The following USP32 variants were observed in gnomAD, a reference collection of about 807,000 sequenced individuals.
USP32 encodes ubiquitin specific peptidase 32.
In USP32, 59 loss-of-function variants were observed where a neutral mutation model predicts 204.8. That is an observed-to-expected ratio of 0.29 (90% CI 0.23 to 0.36). The LOEUF (loss-of-function observed/expected upper bound fraction) is 0.36, where lower values mean the gene tolerates loss of function less well. Among genes scored for constraint, USP32 ranks in the 10% least tolerant of loss-of-function variants. USP32 has a pLI of 1.00. For missense variants in USP32, 1,160 were observed against 1,946.4 expected, an observed-to-expected ratio of 0.60 and a Z score of 7.60; for synonymous variants, 517 against 678.4, an observed-to-expected ratio of 0.76 and a Z score of 3.70.
upstream of USP32, among the ~76,000 whole-genome samples, chr17:60,394,627 A>G (rs913358114): frequency 6.6e-6 from 1 of 152,224 alleles, no homozygotes; most frequent in African/African-American, 2.4e-5. Flanking sequence ...AATATCATAG[A>G]TTACTTACAC....
At chr17:60,345,349 T>C (rs1202385906) in intron 2 of USP32, 132 bp downstream of exon 2, 22 of 1,293,460 alleles carry the variant, frequency 1.7e-5, no homozygotes, top group Non-Finnish European at 2.3e-5. Flanking sequence ...AAACAAAACA[T>C]TGTTTACCCA....
intron 1 of USP32, among the ~76,000 whole-genome samples, chr17:60,355,171 A>G (rs2089038445): frequency 6.6e-6 from 1 of 152,230 alleles, no homozygotes; most frequent in Admixed American, 6.5e-5. Flanking sequence ...ACTAAGTAAA[A>G]GAAGGCTGAT....
At chr17:60,274,989 C>T (rs1226153845) in intron 5 of USP32, among the ~76,000 whole-genome samples, 4 of 152,166 alleles carry the variant, frequency 2.6e-5, no homozygotes, top group African/African-American at 9.7e-5. Flanking sequence ...CTCCATAATA[C>T]TTATCAACTC....
intron 6 of USP32, 58 bp from the exon 7 acceptor site, chr17:60,269,615 A>C (rs2086679626): frequency 1.4e-6 from 2 of 1,395,448 alleles, no homozygotes; most frequent in Admixed American, 4.7e-5. Context: ...GTTAATAATG[A>C]CATGTTTACA....
intron 12 of USP32, among the ~76,000 whole-genome samples, chr17:60,234,418 A>G (rs1489423865): frequency 6.7e-6 from 1 of 149,136 alleles, no homozygotes; most frequent in Non-Finnish European, 1.5e-5. Flanking sequence ...CGGCTCAAGC[A>G]TGACTAATTT....
At chr17:60,310,549 A>G (rs1198057578) in intron 2 of USP32, among the ~76,000 whole-genome samples, 1 of 152,062 alleles carries the variant, frequency 6.6e-6, no homozygotes, top group Non-Finnish European at 1.5e-5. Flanking sequence ...AAATACAAAA[A>G]TTAGCTGGGC....
At chr17:60,240,927 T>C (rs2085861271) in intron 11 of USP32, among the ~76,000 whole-genome samples, 1 of 152,136 alleles carries the variant, frequency 6.6e-6, no homozygotes, top group African/African-American at 2.4e-5. Flanking sequence ...AAATTCTGAG[T>C]TAAGTATAAC....
chr17:60,180,941 C>T (rs902039988), intron 32 of USP32, among the ~76,000 whole-genome samples: 5 of 151,654 alleles, frequency 3.3e-5, no homozygotes, highest in African/African-American at 7.3e-5. Context: ...GGGGTGCAGT[C>T]GAGTGATCAC....
At position 60,209,725 on chromosome 17, in the gene USP32, C is replaced by T. The variant is rs1451805956; in HGVS notation, c.2425-182G>A. ...CTTTTGAATCTTAATGTCAAATGAC[C>T]CCCCCCAAAAAAAGAGAAGTATTTT... On this transcript the variant is annotated intron_variant, in intron 21 of 33. Transcript: ENST00000300896. Among the ~76,000 whole-genome samples the T allele has an allele frequency of 4.7e-4, 71 of 151,094 alleles. 1 individual carries two copies. Among genetic ancestry groups the T allele is most frequent in the Admixed American group, 4.7e-3 (71 of 15,186 alleles).
At chr17:60,396,065 G>A (rs926047985), upstream of USP32, among the ~76,000 whole-genome samples, 1 of 129,916 alleles carries the variant, frequency 7.7e-6, no homozygotes, top group African/African-American at 3.1e-5. Context: ...TAAAGCACTT[G>A]AAGCTTTTTT....
chr17:60,311,077 AGTG>A (rs2087841230), intron 2 of USP32, among the ~76,000 whole-genome samples: 1 of 152,240 alleles, frequency 6.6e-6, no homozygotes, highest in African/African-American at 2.4e-5. Flanking sequence ...AATAAAATGT[AGTG>A]TTAGTAAGGT....
chr17:60,351,386 C>T (rs1020145843), intron 1 of USP32, among the ~76,000 whole-genome samples: 1 of 151,940 alleles, frequency 6.6e-6, no homozygotes, highest in African/African-American at 2.4e-5. Flanking sequence ...TAATTTGTAC[C>T]TTTAGCTGAT....
At position 60,243,926 on chromosome 17, in the gene USP32, TAA is replaced by T. The variant is rs1476575128; in HGVS notation, c.1137-7688_1137-7687del. Among the ~76,000 whole-genome samples the T allele has an allele frequency of 5.3e-5, 8 of 152,130 alleles. No individual in the cohort carries two copies. In the East Asian group the frequency reaches 1.3e-3, roughly 26 times the overall value. On this transcript the variant is annotated intron_variant, in intron 11 of 33. Coordinates refer to ENST00000300896, the MANE Select transcript of USP32 (RefSeq NM_032582.4). ...AAAAGCCATTTTCTTTTCTTAACAG[TAA>T]AGTGATTTTAGTTCACGTATGGCTA...
chr17:60,330,525 T>C (rs1168608408), intron 2 of USP32, among the ~76,000 whole-genome samples: 1 of 146,214 alleles, frequency 6.8e-6, no homozygotes, highest in African/African-American at 2.6e-5. Context: ...TCTCCCCCCC[T>C]CCCTCCTTTC....
At chr17:60,364,523 C>T (rs1443211207) in intron 1 of USP32, among the ~76,000 whole-genome samples, 5 of 152,216 alleles carry the variant, frequency 3.3e-5, no homozygotes, top group East Asian at 3.9e-4. Flanking sequence ...CAGATAGGTG[C>T]GCGCCACCAT....
intron 1 of USP32, among the ~76,000 whole-genome samples, chr17:60,408,999 T>C (rs917693891): frequency 3.3e-5 from 5 of 152,130 alleles, no homozygotes; most frequent in South Asian, 2.1e-4. Flanking sequence ...AGACCCCAGC[T>C]TGGGGAGACA....
intron 2 of USP32, among the ~76,000 whole-genome samples, chr17:60,322,173 A>C (rs1021895538): frequency 6.6e-6 from 1 of 152,008 alleles, no homozygotes; most frequent in Non-Finnish European, 1.5e-5. Context: ...CTATAGGCCA[A>C]ACTTTTTTTT....
At chr17:60,247,273 G>A (rs1256340779) in intron 11 of USP32, among the ~76,000 whole-genome samples, 1 of 151,150 alleles carries the variant, frequency 6.6e-6, no homozygotes, top group African/African-American at 2.4e-5. Context: ...TCCACCTCCC[G>A]GTTTCAAGCA....
chr17:60,337,716 AAAAT>A (rs1466173730), intron 2 of USP32, among the ~76,000 whole-genome samples: 3 of 152,142 alleles, frequency 2.0e-5, no homozygotes, highest in South Asian at 2.1e-4. Flanking sequence ...GTCTCCACAA[AAAAT>A]AAATAAACTG....
Sources: gnomAD v4.1 joint callset for allele counts (sites outside exome capture counted in the v4.1 genomes callset) on GRCh38, gnomAD v4.1.1 for gene constraint, MANE v1.5 for transcripts, NCBI Gene and HGNC (gene_info 2026-07-23, HGNC 2026-07-21) for gene names.